Variants in FRMD4A observed in about 807,000 individuals in gnomAD.
The protein encoded by FRMD4A is FERM domain containing 4A, also known as FERM domain-containing protein 4A.
Under a neutral mutation model 129.1 loss-of-function variants are expected in FRMD4A, and 29 were observed. That is an observed-to-expected ratio of 0.22 (90% CI 0.17 to 0.31). The LOEUF is 0.31. Among genes scored for constraint, FRMD4A ranks in the 10% least tolerant of loss-of-function variants. The probability of loss-of-function intolerance (pLI) is 1.00; values close to 1 mark genes in which losing one functional copy is unlikely to be tolerated. For missense variants in FRMD4A, 1,272 were observed against 1,375.8 expected (o/e 0.92, Z 1.19); for synonymous variants, 634 against 571.6 (o/e 1.11, Z -1.56).
At chr10:13,664,547 C>A (rs1428086766) in intron 18 of FRMD4A, among the ~76,000 whole-genome samples, 1 of 152,152 alleles carries the variant, frequency 6.6e-6, no homozygotes, top group Non-Finnish European at 1.5e-5. Flanking sequence ...GGACTATGAG[C>A]AACCAGGAGC....
chr10:14,107,901 T>C (rs778542531), intron 2 of FRMD4A, among the ~76,000 whole-genome samples: 3 of 152,228 alleles, frequency 2.0e-5, no homozygotes, highest in Non-Finnish European at 4.4e-5. Context: ...TGATAAATAA[T>C]GCTGCAAAGA....
intron 2 of FRMD4A, among the ~76,000 whole-genome samples, chr10:14,185,515 G>A (rs1014348807): frequency 2.6e-5 from 4 of 152,282 alleles, no homozygotes; most frequent in Middle Eastern, 3.4e-3. Context: ...ATTTTTTGGA[G>A]GTTTGTTGTA....
intron 2 of FRMD4A, among the ~76,000 whole-genome samples, chr10:13,959,930 G>A (rs1444041122): frequency 3.3e-5 from 5 of 152,246 alleles, no homozygotes; most frequent in Admixed American, 1.3e-4. Flanking sequence ...ATTTGGCCCA[G>A]ACCAGTAGAT....
chr10:14,008,682 T>A, intron 2 of FRMD4A: 1 of 170,628 alleles, frequency 5.9e-6, no homozygotes, highest in Non-Finnish European at 1.2e-5. Flanking sequence ...TGGAGATTAA[T>A]GCAGAATCCT....
intron 2 of FRMD4A, among the ~76,000 whole-genome samples, chr10:13,968,676 A>T (rs548662556): frequency 1.2e-4 from 18 of 152,016 alleles, no homozygotes; most frequent in Admixed American, 3.3e-4. Context: ...CTGGTCTTGA[A>T]CTCATGACCT....
At chr10:13,747,921 G>A in intron 8 of FRMD4A, 102 bp from the exon 9 acceptor site, 1 of 722,146 alleles carries the variant, frequency 1.4e-6, no homozygotes, top group Non-Finnish European at 2.5e-6. Flanking sequence ...CCCCACATCT[G>A]CTTCCCTGTT....
chr10:13,914,645 T>G (rs2094979329), intron 2 of FRMD4A, among the ~76,000 whole-genome samples: 1 of 151,958 alleles, frequency 6.6e-6, no homozygotes, highest in East Asian at 1.9e-4. Context: ...GATTTAACAA[T>G]GTGGAATGAA....
intron 2 of FRMD4A, among the ~76,000 whole-genome samples, chr10:14,128,046 C>CTCTT (rs534411383): frequency 0.053 from 4,157 of 77,804 alleles, 189 homozygotes; most frequent in Admixed American, 0.059. Context: ...CTTTCTTTCC[C>CTCTT]TCTTTCTTTC....
chr10:13,801,557 AG>A (rs2093255318), intron 4 of FRMD4A, among the ~76,000 whole-genome samples: 1 of 152,232 alleles, frequency 6.6e-6, no homozygotes, highest in Non-Finnish European at 1.5e-5. Context: ...CTCTCAATGA[AG>A]GCTGCTTATA....
chr10:14,184,654 T>C (rs1842024743), intron 2 of FRMD4A, among the ~76,000 whole-genome samples: 1 of 152,102 alleles, frequency 6.6e-6, no homozygotes, highest in Non-Finnish European at 1.5e-5. Context: ...GAAGCACACG[T>C]CCAGGCCGGG....
intron 2 of FRMD4A, among the ~76,000 whole-genome samples, chr10:14,091,074 A>T (rs1836633743): frequency 1.3e-5 from 2 of 152,262 alleles, no homozygotes; most frequent in African/African-American, 4.8e-5. Flanking sequence ...CAGACCTATT[A>T]TAACTGCAAG....
chr10:14,132,856 T>C (rs1199959055), intron 2 of FRMD4A, among the ~76,000 whole-genome samples: 1 of 152,150 alleles, frequency 6.6e-6, no homozygotes, highest in Non-Finnish European at 1.5e-5. Flanking sequence ...GCCTTAAGCA[T>C]GGTATGCCCC....
At chr10:13,840,614 C>T (rs566878031) in intron 3 of FRMD4A, among the ~76,000 whole-genome samples, 1 of 150,742 alleles carries the variant, frequency 6.6e-6, no homozygotes, top group African/African-American at 2.4e-5. Context: ...CATGGTGAAA[C>T]CCCGTCTCTA....
At chr10:13,753,271 G>T (rs138386600) in intron 8 of FRMD4A, among the ~76,000 whole-genome samples, 3 of 152,196 alleles carry the variant, frequency 2.0e-5, no homozygotes, top group South Asian at 4.2e-4. Context: ...GCCTATCTCC[G>T]CCCAATCACA....
At chr10:14,068,882 C>T (rs1214275203) in intron 2 of FRMD4A, among the ~76,000 whole-genome samples, 1 of 151,370 alleles carries the variant, frequency 6.6e-6, no homozygotes, top group Non-Finnish European at 1.5e-5. Flanking sequence ...CCCTCCCTCC[C>T]TCCCTCTCCC....
chr10:13,720,479 C>T (rs2089308760), intron 12 of FRMD4A, among the ~76,000 whole-genome samples: 1 of 152,192 alleles, frequency 6.6e-6, no homozygotes, highest in Admixed American at 6.5e-5. Context: ...CATTCAACAA[C>T]CACGTGTTGA....
rs546634834 is a variant in FRMD4A, at chr10:13,674,806, A to T, written c.1251+105T>A. ...ACCCTTGCCTTCTGTCAAAACGATCAAATGACATCAGTCAAATGACATCAA... is the reference window on the plus strand; with the variant it reads ...ACCCTTGCCTTCTGTCAAAACGATCTAATGACATCAGTCAAATGACATCAA... On this transcript the variant is annotated intron_variant, in intron 16 of 24. Transcript: ENST00000357447. 19 of 1,284,906 alleles carry T rather than the reference A, an allele frequency of 1.5e-5. No individual in the cohort carries two copies. The African/African-American group carries it at 2.5e-4, about 17-fold the overall frequency. 79.6% of individuals were successfully genotyped at this position (1,284,906 alleles called of 1,614,324 possible).
At chr10:14,024,792 G>A (rs79491082) in intron 2 of FRMD4A, among the ~76,000 whole-genome samples, 1,634 of 152,366 alleles carry the variant, frequency 0.011, 13 homozygotes, top group Non-Finnish European at 0.016. Flanking sequence ...GTGAGATGGG[G>A]TGAAAGCAAG....
At chr10:13,739,165 T>G (rs7907125) in intron 11 of FRMD4A, among the ~76,000 whole-genome samples, 13,293 of 152,262 alleles carry the variant, frequency 0.087, 1,939 homozygotes, top group African/African-American at 0.3. Flanking sequence ...TATTTCAAGA[T>G]GAGCAAAAAG....
Sources: allele counts gnomAD v4.1 joint callset (sites outside exome capture counted in the v4.1 genomes callset), GRCh38; gene constraint gnomAD v4.1.1; transcripts MANE v1.5; gene names NCBI Gene and HGNC (gene_info 2026-07-23, HGNC 2026-07-21).